Variants in ZPLD1 observed in about 807,000 individuals in gnomAD.
The protein encoded by ZPLD1 is zona pellucida like domain containing 1.
ZPLD1 carries 34 observed loss-of-function variants against 47.2 expected under a neutral mutation model. The ratio of observed to expected loss-of-function variants is 0.72; its 90% CI spans 0.55 to 0.96. ZPLD1 has a LOEUF of 0.96. Among genes scored for constraint, ZPLD1 ranks in the 40% least tolerant of loss-of-function variants. ZPLD1 has a pLI of 0.00. For missense variants in ZPLD1, 512 were observed against 505.8 expected, an observed-to-expected ratio of 1.01 and a Z score of -0.12; for synonymous variants, 176 against 186.2, an observed-to-expected ratio of 0.95 and a Z score of 0.45.
At chr3:102,408,443 G>C (rs1706716438) in intron 7 of ZPLD1, among the ~76,000 whole-genome samples, 1 of 151,730 alleles carries the variant, frequency 6.6e-6, no homozygotes, top group Non-Finnish European at 1.5e-5. Context: ...AGAAACATTA[G>C]CCATTAAGTT....
chr3:102,438,450 G>A (rs1707123547), intron 2 of ZPLD1, 30 bp from the exon 3 acceptor site: 1 of 1,511,226 alleles, frequency 6.6e-7, no homozygotes. Flanking sequence ...TTAAGTGGGA[G>A]TGTCCACATG....
intron 7 of ZPLD1, among the ~76,000 whole-genome samples, chr3:102,412,753 G>A (rs1706759627): frequency 6.6e-6 from 1 of 151,646 alleles, no homozygotes; most frequent in Non-Finnish European, 1.5e-5. Context: ...GAGCTCTGTA[G>A]CAGGTTTACA....
At chr3:102,433,803 A>G (rs935465775), upstream of ZPLD1, among the ~76,000 whole-genome samples, 1 of 152,202 alleles carries the variant, frequency 6.6e-6, no homozygotes, top group Non-Finnish European at 1.5e-5. Flanking sequence ...TGCTGAGATT[A>G]TAGGCGTGAG....
chr3:102,435,104 G>T lies in ZPLD1; in HGVS notation c.-173G>T, dbSNP rs765958844. On this transcript the variant is annotated 5_prime_UTR_variant, in exon 1 of 12. Coordinates refer to ENST00000466937, the MANE Select transcript of ZPLD1 (RefSeq NM_001329788.2). ...GTGCTAAAATAGCATCTCCAAGCTT[G>T]CTATGGCAAGATGATGCTCAGGTTT... The T allele has an allele frequency of 6.2e-7, 1 of 1,613,986 alleles. No individual in the cohort carries two copies. The highest frequency in any genetic ancestry group is 1.3e-5 in the African/African-American group (1 of 74,914).
intron 3 of ZPLD1, among the ~76,000 whole-genome samples, chr3:102,446,034 A>G (rs1029759385): frequency 2.6e-5 from 4 of 152,226 alleles, no homozygotes; most frequent in African/African-American, 9.6e-5. Context: ...ATAGATGAAC[A>G]TTCAAGATGA....
intron 3 of ZPLD1, among the ~76,000 whole-genome samples, chr3:102,441,003 T>C (rs892344076): frequency 2.0e-5 from 3 of 152,222 alleles, no homozygotes; most frequent in Middle Eastern, 3.4e-3. Flanking sequence ...GAAGGAGAGA[T>C]AAAGCCACAG....
chr3:102,441,228 AG>A (rs1302219931), intron 3 of ZPLD1, among the ~76,000 whole-genome samples: 1 of 152,226 alleles, frequency 6.6e-6, no homozygotes. Context: ...GGCATGTTAA[AG>A]AGCCATGAAA....
intron 7 of ZPLD1, among the ~76,000 whole-genome samples, chr3:102,408,130 A>C (rs1380541183): frequency 6.6e-6 from 1 of 151,940 alleles, no homozygotes; most frequent in Non-Finnish European, 1.5e-5. Flanking sequence ...ATATGATCAC[A>C]TCGATGTCCC....
In ZPLD1 at chr3:102,420,493, C is replaced by G. The variant is rs1478625815; in HGVS notation, c.-9+2286C>G. 5.3e-5 allele frequency among the ~76,000 whole-genome samples: 8 copies of G among 151,804 alleles called. 1 individual carries two copies. Among genetic ancestry groups the G allele is most frequent in the Non-Finnish European group, 1.5e-5 (1 of 67,852 alleles). The stretch of plus-strand genomic sequence containing the variant: ...TACGTCACTGTATCTCAAAAGCAGC[C>G]AAAGAAAATTTGAACACAGATAAGC... On this transcript the variant is annotated intron_variant, in intron 8 of 17. Coordinates refer to the ZPLD1 transcript ENST00000491959.
intron 10 of ZPLD1, among the ~76,000 whole-genome samples, chr3:102,475,008 C>T (rs1707737148): frequency 6.6e-6 from 1 of 151,604 alleles, no homozygotes; most frequent in South Asian, 2.1e-4. Context: ...GTTTTCTTTG[C>T]AATAATACAA....
chr3:102,447,973 C>A (rs1576153531), intron 3 of ZPLD1, among the ~76,000 whole-genome samples: 2 of 152,146 alleles, frequency 1.3e-5, no homozygotes, highest in African/African-American at 4.8e-5. Context: ...CAAATCAGGA[C>A]ACATTTTATA....
intron 7 of ZPLD1, among the ~76,000 whole-genome samples, chr3:102,413,711 A>G (rs1706771754): frequency 6.6e-6 from 1 of 151,802 alleles, no homozygotes; most frequent in African/African-American, 2.4e-5. Context: ...AGATTTTAGT[A>G]GAAAATGATC....
Position 102,447,117 on chromosome 3 carries a change from G to A in ZPLD1, c.107-5802G>A, listed in dbSNP as rs373744254. 6.7e-4 allele frequency among the ~76,000 whole-genome samples: 102 copies of A among 152,146 alleles called. 1 individual carries two copies. The South Asian group carries it at 0.015, about 22-fold the overall frequency. ...AGTCTCGCTCTGTCGCCAGGCTGGA[G>A]TGCAGTGGCACACTCTCGGCTCACT... On this transcript the variant is annotated intron_variant, in intron 3 of 11. Coordinates refer to ENST00000466937, the MANE Select transcript of ZPLD1 (RefSeq NM_001329788.2).
At chr3:102,462,221 A>G in intron 6 of ZPLD1, 60 bp from the exon 7 acceptor site, 3 of 1,018,408 alleles carry the variant, frequency 2.9e-6, no homozygotes, top group Non-Finnish European at 4.5e-6. Context: ...TGTTGTTTTA[A>G]GTAGTAAGTG....
intron 8 of ZPLD1, among the ~76,000 whole-genome samples, chr3:102,426,012 T>C (rs1160100128): frequency 6.6e-6 from 1 of 151,860 alleles, no homozygotes; most frequent in African/African-American, 2.4e-5. Context: ...AAATTATCTA[T>C]AGGTCACCTG....
intron 2 of ZPLD1, among the ~76,000 whole-genome samples, 173 bp downstream of exon 2, chr3:102,437,146 G>A (rs1247891078): frequency 6.6e-6 from 1 of 152,226 alleles, no homozygotes; most frequent in East Asian, 1.9e-4. Flanking sequence ...ACTGGTGTGA[G>A]CCTTTTGCTT....
chr3:102,461,282 C>T (rs549379753), intron 6 of ZPLD1, among the ~76,000 whole-genome samples: 67 of 152,108 alleles, frequency 4.4e-4, no homozygotes, highest in African/African-American at 1.5e-3. Flanking sequence ...CAATTGGCCT[C>T]TGTTAAATGA....
chr3:102,394,501 A>G (rs530574523), intron 7 of ZPLD1, among the ~76,000 whole-genome samples: 4 of 152,194 alleles, frequency 2.6e-5, no homozygotes, highest in Admixed American at 1.3e-4. Context: ...TCATTGACAT[A>G]GATTTTCTTT....
chr3:102,478,620 C>T lies in ZPLD1; in HGVS notation c.*1002C>T, dbSNP rs560977153. On this transcript the variant is annotated 3_prime_UTR_variant, in exon 12 of 12. Transcript: ENST00000466937. ...CTTCCCCCATATTTTCGATGCCAGG[C>T]AATAATCAGGAGAGGGTTTCTTTTT... 8.5e-5 allele frequency: 13 copies of T among 152,222 alleles called. No homozygotes were observed. In the East Asian group the frequency reaches 2.5e-3, roughly 29 times the overall value. The allele number at this position is 152,222 out of a possible 1,614,324, so 9.4% of individuals were successfully genotyped here. A position where few individuals can be genotyped will look rare whatever the true frequency, so the allele number is the denominator to read the frequency against.
Sources: allele counts gnomAD v4.1 joint callset (sites outside exome capture counted in the v4.1 genomes callset), GRCh38; gene constraint gnomAD v4.1.1; transcripts MANE v1.5; gene names NCBI Gene and HGNC (gene_info 2026-07-23, HGNC 2026-07-21).